The following RPAP2 variants were observed in gnomAD, a reference collection of about 807,000 sequenced individuals.
The protein encoded by RPAP2 is putative RNA polymerase II subunit B1 CTD phosphatase RPAP2.
RPAP2 carries 52 observed loss-of-function variants against 73.1 expected under a neutral mutation model. The ratio of observed to expected loss-of-function variants is 0.71; its 90% CI spans 0.57 to 0.90. The LOEUF is 0.90. Among genes scored for constraint, RPAP2 ranks in the 40% least tolerant of loss-of-function variants. RPAP2 has a pLI of 0.00. For missense variants in RPAP2, 598 were observed against 701.8 expected (o/e 0.85, Z 1.67); for synonymous variants, 225 against 242.1 (o/e 0.93, Z 0.65).
intron 8 of RPAP2, among the ~76,000 whole-genome samples, chr1:92,325,458 C>T (rs967414943): frequency 2.0e-5 from 3 of 152,220 alleles, no homozygotes; most frequent in South Asian, 4.2e-4. Flanking sequence ...TGTCACTGAG[C>T]TGCATAAACC....
intron 11 of RPAP2, among the ~76,000 whole-genome samples, chr1:92,354,661 T>C (rs1330867643): frequency 1.3e-5 from 2 of 152,158 alleles, no homozygotes; most frequent in Non-Finnish European, 2.9e-5. Flanking sequence ...TTTATTTGGC[T>C]ATCATAGTTT....
At position 92,395,265 on chromosome 1, in the gene RPAP2, A is replaced by T. The variant is rs1656155612; in HGVS notation, c.*8254A>T. The T allele has an allele frequency of 6.6e-6, 1 of 152,238 alleles. No homozygotes were observed. Among genetic ancestry groups the T allele is most frequent in the African/African-American group, 2.4e-5 (1 of 41,458 alleles). 9.4% of individuals were successfully genotyped at this position (152,238 alleles called of 1,614,324 possible). A position where few individuals can be genotyped will look rare whatever the true frequency, so the allele number is the denominator to read the frequency against. ...TTTAGGAAGAATTCTTAAGACACTA[A>T]TAGCACAATTCATAAAAGAAAATAT... On this transcript the variant is annotated 3_prime_UTR_variant, in exon 13 of 13. Transcript: ENST00000610020.
intron 11 of RPAP2, among the ~76,000 whole-genome samples, chr1:92,353,963 C>T: frequency 6.6e-6 from 1 of 151,980 alleles, no homozygotes; most frequent in East Asian, 1.9e-4. Context: ...TAATGCTACT[C>T]TTTTTTTTAT....
intron 7 of RPAP2, among the ~76,000 whole-genome samples, chr1:92,322,835 C>G (rs1051891796): frequency 6.9e-6 from 1 of 145,902 alleles, no homozygotes; most frequent in Non-Finnish European, 1.5e-5. Flanking sequence ...TGAGTTCACA[C>G]CATTGCACTC....
Position 92,396,397 on chromosome 1 carries a change from G to A in RPAP2, c.*9386G>A, listed in dbSNP as rs548678902. 2.6e-5 allele frequency: 4 copies of A among 151,794 alleles called. No individual in the cohort carries two copies. Among genetic ancestry groups the A allele is most frequent in the South Asian group, 2.1e-4 (1 of 4,792 alleles). The allele number at this position is 151,794 out of a possible 1,614,324, so 9.4% of individuals were successfully genotyped here. ...TTAAATGATATATGTATACAATGGA[G>A]TAGTGATATAGGCTACAATATGGAT... On this transcript the variant is annotated 3_prime_UTR_variant, in exon 13 of 13. Transcript: ENST00000610020.
At chr1:92,376,693 A>G (rs1655398449) in intron 11 of RPAP2, among the ~76,000 whole-genome samples, 1 of 152,232 alleles carries the variant, frequency 6.6e-6, no homozygotes, top group Admixed American at 6.5e-5. Context: ...GCAAATTTAA[A>G]TCATTCTATT....
intron 6 of RPAP2, among the ~76,000 whole-genome samples, chr1:92,308,081 A>G (rs1651357651): frequency 6.6e-6 from 1 of 152,146 alleles, no homozygotes; most frequent in South Asian, 2.1e-4. Context: ...CTGGCTCAAA[A>G]AAAAAAAAGC....
rs1390659092 is a variant in RPAP2, at chr1:92,374,927, T to C, written c.1689-5797T>C. 2.0e-5 allele frequency among the ~76,000 whole-genome samples: 3 copies of C among 152,162 alleles called. No homozygotes were observed. In the East Asian group the frequency reaches 5.8e-4, roughly 29 times the overall value. ...AAATCGCCTCTAAAGAGCTTATCTA[T>C]GTAAGCAAAAACCACCTGCTCCCCC... On this transcript the variant is annotated intron_variant, in intron 11 of 12. Transcript: ENST00000610020.
Position 92,339,497 on chromosome 1 carries a change from C to G in RPAP2, c.1619+3070C>G, listed in dbSNP as rs115206922. On this transcript the variant is annotated intron_variant, in intron 10 of 12. Coordinates refer to ENST00000610020, the MANE Select transcript of RPAP2 (RefSeq NM_024813.3). The stretch of plus-strand genomic sequence containing the variant: ...ATAATAATAATTTTGGGACAAATAC[C>G]TCACTGACCTTCCCAGTCCCTTGGT... 2.5e-3 allele frequency among the ~76,000 whole-genome samples: 385 copies of G among 152,154 alleles called. 3 individuals carry two copies. The highest frequency in any genetic ancestry group is 9.3e-3 in the South Asian group (45 of 4,822).
chr1:92,311,759 G>A (rs993448567), intron 6 of RPAP2, among the ~76,000 whole-genome samples: 25 of 152,212 alleles, frequency 1.6e-4, no homozygotes, highest in African/African-American at 6.0e-4. Flanking sequence ...TTGTTTCCCA[G>A]TGTATGCAAA....
intron 11 of RPAP2, among the ~76,000 whole-genome samples, chr1:92,353,512 C>G (rs561082284): frequency 2.0e-5 from 3 of 152,260 alleles, no homozygotes; most frequent in Admixed American, 6.5e-5. Flanking sequence ...TGAGTACTTT[C>G]AAGCTAAAAA....
intron 7 of RPAP2, among the ~76,000 whole-genome samples, chr1:92,321,507 T>C (rs1166427322): frequency 6.6e-6 from 1 of 152,092 alleles, no homozygotes; most frequent in Non-Finnish European, 1.5e-5. Context: ...CACAGCTTGC[T>C]TCTTGACCCA....
intron 6 of RPAP2, 40 bp from the exon 7 acceptor site, chr1:92,320,559 C>T (rs552737044): frequency 2.2e-4 from 345 of 1,594,336 alleles, no homozygotes; most frequent in Non-Finnish European, 2.7e-4. Flanking sequence ...CATGAGCCAC[C>T]GCACCCGGCC....
intron 9 of RPAP2, among the ~76,000 whole-genome samples, chr1:92,335,689 A>G (rs1653241721): frequency 1.3e-5 from 2 of 152,166 alleles, no homozygotes; most frequent in South Asian, 4.1e-4. Flanking sequence ...TCTATCATGA[A>G]TATCTTTTTA....
At chr1:92,375,841 A>G (rs1347691044) in intron 11 of RPAP2, among the ~76,000 whole-genome samples, 1 of 151,516 alleles carries the variant, frequency 6.6e-6, no homozygotes, top group Admixed American at 6.6e-5. Context: ...AAAACAAACA[A>G]ACAAAAAATT....
intron 6 of RPAP2, among the ~76,000 whole-genome samples, chr1:92,309,838 C>G (rs988879043): frequency 6.6e-6 from 1 of 152,124 alleles, no homozygotes; most frequent in Middle Eastern, 3.4e-3. Flanking sequence ...ATTTGGGAAA[C>G]GAGAAGATAA....
At chr1:92,365,198 A>G (rs1557625908) in intron 11 of RPAP2, among the ~76,000 whole-genome samples, 1 of 152,158 alleles carries the variant, frequency 6.6e-6, no homozygotes. Flanking sequence ...AAGACCTCTC[A>G]TTGGGCCCTT....
At chr1:92,321,119 A>G (rs1652229536) in intron 7 of RPAP2, among the ~76,000 whole-genome samples, 1 of 150,710 alleles carries the variant, frequency 6.6e-6, no homozygotes, top group Non-Finnish European at 1.5e-5. Context: ...CTCTCAAAAC[A>G]CATCCCTTAA....
chr1:92,328,241 A>C (rs1652760828), intron 8 of RPAP2, among the ~76,000 whole-genome samples: 1 of 152,150 alleles, frequency 6.6e-6, no homozygotes, highest in Non-Finnish European at 1.5e-5. Flanking sequence ...TTATTCCCTC[A>C]AATATGTTTT....
Sources: allele counts gnomAD v4.1 joint callset (sites outside exome capture counted in the v4.1 genomes callset), GRCh38; gene constraint gnomAD v4.1.1; transcripts MANE v1.5; gene names NCBI Gene and HGNC (gene_info 2026-07-23, HGNC 2026-07-21).